MUC12: variants seen among roughly 807,000 people sequenced by gnomAD.
MUC12 encodes mucin 12, cell surface associated.
A neutral mutation model predicts 230.8 loss-of-function variants in MUC12; 172 were observed. That is an observed-to-expected ratio of 0.75 (90% CI 0.66 to 0.85). The LOEUF (loss-of-function observed/expected upper bound fraction) is 0.85. MUC12 is among the 40% of genes least tolerant of loss of function. The pLI is 0.00. For synonymous variants in MUC12, 1,259 were observed against 2,401.9 expected (o/e 0.52, Z 13.91); for missense variants, 3,506 against 5,920.6 (o/e 0.59, Z 13.38).
intron 1 of MUC12, among the ~76,000 whole-genome samples, chr7:100,983,417 TAAA>T (rs571349708): frequency 9.5e-5 from 13 of 137,458 alleles, no homozygotes; most frequent in Admixed American, 7.4e-5. Context: ...GAGACTCCGT[TAAA>T]AAAAAAAAAA....
At chr7:100,987,656 A>C (rs764501174) in intron 1 of MUC12, among the ~76,000 whole-genome samples, 1 of 152,142 alleles carries the variant, frequency 6.6e-6, no homozygotes, top group Non-Finnish European at 1.5e-5. Flanking sequence ...TCTCATTCTG[A>C]GTTCACACAA....
chr7:100,978,911 G>C (rs891884674), intron 1 of MUC12, among the ~76,000 whole-genome samples: 1 of 152,210 alleles, frequency 6.6e-6, no homozygotes, highest in Non-Finnish European at 1.5e-5. Flanking sequence ...CTGGGCTCAA[G>C]TGAGCCTTCT....
intron 1 of MUC12, among the ~76,000 whole-genome samples, chr7:100,975,112 A>G (rs1793001562): frequency 6.6e-6 from 1 of 152,308 alleles, no homozygotes; most frequent in Non-Finnish European, 1.5e-5. Context: ...ATGGGGACAC[A>G]GTCTAGAATT....
chr7:101,011,468 C>G, intron 5 of MUC12, among the ~76,000 whole-genome samples: 1 of 152,106 alleles, frequency 6.6e-6, no homozygotes, highest in East Asian at 1.9e-4. Context: ...GCTCTGTTGC[C>G]TGAAGTGCAG....
In MUC12 at chr7:100,995,607, C is replaced by T. The variant is rs539551196; in HGVS notation, c.5044C>T (p.Arg1682Cys). The T allele has an allele frequency of 6.9e-5, 106 of 1,536,974 alleles. 2 individuals carry two copies. Among genetic ancestry groups the T allele is most frequent in the South Asian group, 3.1e-4 (26 of 84,046 alleles). ...TTLSPAGSTTRQGESTTFQSW... is the reference protein window; with the variant it reads ...TTLSPAGSTTCQGESTTFQSW... ...ACTGTCCCCTGCCGGCTCTACAACA[C>T]GTCAGGGAGAATCTACCACCTTCCA... Residue 1682 changes from arginine (R) to cysteine (C), a missense_variant, in exon 2 of 12, where the codon CGT (arginine) becomes TGT (cysteine). Coordinates refer to ENST00000536621, the MANE Select transcript of MUC12 (RefSeq NM_001164462.2).
Position 100,991,173 on chromosome 7 carries a change from G to A in MUC12, c.610G>A (p.Asp204Asn), listed in dbSNP as rs778509336. ...TTCCCACAGCATCCCCGGCTCCACA[G>A]ACACAACACTGTCCCCTGGCACTAC... Reference protein sequence around the residue: ...TASHSIPGSTDTTLSPGTTTP... With the variant: ...TASHSIPGSTNTTLSPGTTTP... The change falls in exon 2 of 12, where the codon GAC becomes AAC. Residue 204 changes from aspartate (D) to asparagine (N), a missense_variant. Coordinates refer to ENST00000536621, the MANE Select transcript of MUC12 (RefSeq NM_001164462.2). 13 of 1,537,418 alleles carry A rather than the reference G, an allele frequency of 8.5e-6. No homozygotes were observed. The South Asian group carries it at 1.4e-4, about 17-fold the overall frequency.
Position 101,005,222 on chromosome 7 carries a change from T to C in MUC12, c.14659T>C (p.Phe4887Leu). Residue 4887 changes from phenylalanine (F) to leucine (L), a missense_variant, in exon 2 of 12, where the codon TTC (phenylalanine) becomes CTC (leucine). Transcript: ENST00000536621. The stretch of plus-strand genomic sequence containing the variant: ...TACACCCTTCCCTGACAGCCCAGGC[T>C]TCACTCACACAGTGTTACCTGCCAC... The part of the protein sequence containing the change: ...QSTPFPDSPG[F>L]THTVLPATLT... 6.5e-7 allele frequency: 1 copy of C among 1,537,870 alleles called. No individual in the cohort carries two copies.
In MUC12 at chr7:100,992,262, A is replaced by C. The variant is rs1194264104; in HGVS notation, c.1699A>C (p.Ser567Arg). 1 of 1,537,688 alleles carries C rather than the reference A, an allele frequency of 6.5e-7. No homozygotes were observed. The highest frequency in any genetic ancestry group is 1.2e-5 in the South Asian group (1 of 84,038). ...GPTDTTLSPG[S>R]TTASSLGPEY... is the part of the protein sequence containing the mutation. Reference sequence around the variant, plus strand: ...CACAGACACAACATTGTCCCCTGGCAGTACCACAGCATCATCCCTTGGTCC... The same window carrying C: ...CACAGACACAACATTGTCCCCTGGCCGTACCACAGCATCATCCCTTGGTCC... The change falls in exon 2 of 12, where the codon AGT (serine) becomes CGT (arginine). Residue 567 changes from serine (S) to arginine (R), a missense_variant. Ser to Arg is a moderately radical substitution (Grantham distance 110, BLOSUM62 -1). Transcript: ENST00000536621.
intron 1 of MUC12, among the ~76,000 whole-genome samples, chr7:100,987,036 C>T (rs972289268): frequency 9.3e-5 from 14 of 150,772 alleles, no homozygotes; most frequent in African/African-American, 3.2e-4. Context: ...ACAGTAGCCC[C>T]TCCAGTCCAG....
At chr7:101,015,322 T>C (rs998951802) in intron 9 of MUC12, 2 of 417,120 alleles carry the variant, frequency 4.8e-6, no homozygotes, top group Middle Eastern at 6.9e-4. Flanking sequence ...CCTGGCACAG[T>C]ACCTGACCCG....
In MUC12 at chr7:100,994,066, C is replaced by T; in HGVS notation, c.3503C>T (p.Thr1168Ile). The stretch of plus-strand genomic sequence containing the variant: ...GTCTACAGCAGCAGCCGAGGCTCAA[C>T]TGAAACCACAGTGTTCCCTCACAGC... The part of the protein sequence containing the change: ...TTVYSSSRGS[T>I]ETTVFPHSTT... Residue 1168 changes from threonine to isoleucine, a missense_variant, in exon 2 of 12, where the codon ACT becomes ATT. By Grantham distance (89) the Thr-to-Ile change is moderately conservative. Coordinates refer to ENST00000536621, the MANE Select transcript of MUC12 (RefSeq NM_001164462.2). 7 of 1,023,746 alleles carry T rather than the reference C, an allele frequency of 6.8e-6. 2 individuals are homozygous for T. Among genetic ancestry groups the T allele is most frequent in the Middle Eastern group, 2.5e-4 (1 of 4,028 alleles). The allele number at this position is 1,023,746 out of a possible 1,614,324, so 63.4% of individuals were successfully genotyped here. A position where few individuals can be genotyped will look rare whatever the true frequency, so the allele number is the denominator to read the frequency against.
In MUC12 at chr7:101,005,039, C is replaced by T. The variant is rs1315815756; in HGVS notation, c.14476C>T (p.His4826Tyr). 9 of 1,537,772 alleles carry T rather than the reference C, an allele frequency of 5.9e-6. No individual in the cohort carries two copies. Among genetic ancestry groups the T allele is most frequent in the Non-Finnish European group, 7.8e-6 (9 of 1,147,040 alleles). ...SSFAQEFTTP[H>Y]SQPGSALSTV... ...TTTTGCTCAAGAATTTACCACCCCT[C>T]ATAGCCAACCAGGCTCAGCTCTGTC... The change falls in exon 2 of 12, where the codon CAT becomes TAT. Residue 4826 changes from histidine to tyrosine, a missense_variant. Transcript: ENST00000536621.
chr7:101,006,910 A>G (rs1257757658), intron 3 of MUC12, among the ~76,000 whole-genome samples: 3 of 152,220 alleles, frequency 2.0e-5, no homozygotes, highest in Non-Finnish European at 4.4e-5. Context: ...TCCCTCAAGC[A>G]TTTAACCTTT....
At chr7:100,982,537 A>T (rs894028921) in intron 1 of MUC12, among the ~76,000 whole-genome samples, 2 of 151,382 alleles carry the variant, frequency 1.3e-5, no homozygotes, top group East Asian at 1.9e-4. Flanking sequence ...CCTGGGCTCC[A>T]GTGATCCTCC....
intron 1 of MUC12, among the ~76,000 whole-genome samples, chr7:100,981,970 G>T (rs534765423): frequency 6.6e-6 from 1 of 150,806 alleles, no homozygotes; most frequent in South Asian, 2.1e-4. Flanking sequence ...GGGTTCAAGC[G>T]ATTCTCCTGC....
intron 3 of MUC12, 29 bp downstream of exon 3, chr7:101,006,601 C>G: frequency 1.4e-6 from 2 of 1,413,304 alleles, no homozygotes; most frequent in Middle Eastern, 1.8e-4. Context: ...ACCTGCAGCT[C>G]TTTGCAGGCC....
intron 1 of MUC12, among the ~76,000 whole-genome samples, chr7:100,986,202 A>C (rs1038412143): frequency 6.6e-6 from 1 of 152,108 alleles, no homozygotes; most frequent in Non-Finnish European, 1.5e-5. Context: ...TCTAAAAAAA[A>C]CAAAATTTTA....
chr7:100,970,427 C>T (rs560320879), intron 1 of MUC12, among the ~76,000 whole-genome samples: 1 of 147,984 alleles, frequency 6.8e-6, no homozygotes, highest in East Asian at 2.0e-4. Context: ...GTGGAGTTTG[C>T]AGTGAGGCAA....
At chr7:100,972,554 G>C (rs1792929951) in intron 1 of MUC12, among the ~76,000 whole-genome samples, 1 of 108,592 alleles carries the variant, frequency 9.2e-6, no homozygotes, top group South Asian at 3.3e-4. Flanking sequence ...CCAGGCTGGA[G>C]TGCAGTGACA....
Sources: allele counts gnomAD v4.1 joint callset (sites outside exome capture counted in the v4.1 genomes callset), GRCh38; gene constraint gnomAD v4.1.1; transcripts MANE v1.5; gene names NCBI Gene and HGNC (gene_info 2026-07-23, HGNC 2026-07-21).